Variants in ZNF705G observed in about 807,000 individuals in gnomAD.
The protein encoded by ZNF705G is zinc finger protein 705G, also known as putative zinc finger protein 705G.
A neutral mutation model predicts 19.6 loss-of-function variants in ZNF705G; 23 were observed. That is an observed-to-expected ratio of 1.17 (90% CI 0.84 to 1.66). The LOEUF (loss-of-function observed/expected upper bound fraction) is 1.66. Among genes scored for constraint, ZNF705G ranks in the 40% most tolerant of loss-of-function variants. The pLI, the probability that ZNF705G is intolerant of heterozygous loss-of-function variation, is 0.00. For missense variants in ZNF705G, 457 were observed against 354.4 expected, an observed-to-expected ratio of 1.29 and a Z score of -2.32; for synonymous variants, 146 against 117.7, an observed-to-expected ratio of 1.24 and a Z score of -1.56.
In ZNF705G at chr8:7,367,646, C is replaced by T. The variant is rs1344906850; in HGVS notation, c.-71-4629G>A. Among the ~76,000 whole-genome samples, 24 of 149,654 alleles carry T rather than the reference C, an allele frequency of 1.6e-4. 3 individuals carry two copies. The highest frequency in any genetic ancestry group is 6.1e-4 in the African/African-American group (24 of 39,036). ...CGCAGGATCAAGGTTAAAGGCTCTT[C>T]TCTTTTCTTTCTTGGACCTTCAGGC... On this transcript the variant is annotated intron_variant, in intron 2 of 6. Transcript: ENST00000400156.
Position 7,363,115 on chromosome 8 carries a change from A to G in ZNF705G, c.-71-98T>C, listed in dbSNP as rs193009183. 1.3e-3 allele frequency: 1,937 copies of G among 1,475,738 alleles called. 8 individuals carry two copies. The highest frequency in any genetic ancestry group is 2.7e-3 in the Admixed American group (157 of 59,030). The allele number at this position is 1,475,738 out of a possible 1,614,324, so 91.4% of individuals were successfully genotyped here. A position where few individuals can be genotyped will look rare whatever the true frequency, so the allele number is the denominator to read the frequency against. On this transcript the variant is annotated intron_variant, in intron 2 of 6. Coordinates refer to ENST00000400156, the MANE Select transcript of ZNF705G (RefSeq NM_001164457.3). ...CAGACTTTCACTGAAGTGTGACACCAGCTGCACCACAGCCTAACCAACAGA... is the reference window on the plus strand; with the variant it reads ...CAGACTTTCACTGAAGTGTGACACCGGCTGCACCACAGCCTAACCAACAGA...
chr8:7,380,113 T>A lies in ZNF705G; in HGVS notation c.-72+1339A>T, dbSNP rs1368722402. ...AGGCTGCCCCCAGAACAAAGGGAGC[T>A]GAAGCAGGCACTCTTCTCAAGTGGA... On this transcript the variant is annotated intron_variant, in intron 2 of 6. Transcript: ENST00000400156. Among the ~76,000 whole-genome samples the A allele has an allele frequency of 6.9e-5, 10 of 143,924 alleles. 1 individual carries two copies. The highest frequency in any genetic ancestry group is 2.6e-4 in the African/African-American group (9 of 34,054). The allele number at this position is 143,924 out of a possible 152,430, so 94.4% of individuals were successfully genotyped here. A position where few individuals can be genotyped will look rare whatever the true frequency, so the allele number is the denominator to read the frequency against.
rs1201993882 is a variant in ZNF705G at position 7,355,679 on chromosome 8, A to T, written c.*2297T>A. The T allele has an allele frequency of 6.7e-6, 1 of 149,742 alleles. No individual in the cohort carries two copies. The highest frequency in any genetic ancestry group is 2.6e-5 in the African/African-American group (1 of 39,114). The allele number at this position is 149,742 out of a possible 1,614,324, so 9.3% of individuals were successfully genotyped here. ...AATGGCTGGAGATCTGCCACCATGC[A>T]TTTGTCAAATCCCATAGAATTTCAC... On this transcript the variant is annotated 3_prime_UTR_variant, in exon 7 of 7. Coordinates refer to ENST00000400156, the MANE Select transcript of ZNF705G (RefSeq NM_001164457.3).
intron 2 of ZNF705G, among the ~76,000 whole-genome samples, chr8:7,368,636 T>C (rs368438118): frequency 3.3e-5 from 5 of 149,798 alleles, no homozygotes; most frequent in Non-Finnish European, 5.9e-5. Context: ...CAGATGCTAA[T>C]AGAAGAAAAT....
chr8:7,380,666 T>C lies in ZNF705G; in HGVS notation c.-72+786A>G, dbSNP rs551761465. 2.0e-3 allele frequency among the ~76,000 whole-genome samples: 289 copies of C among 146,252 alleles called. 2 individuals are homozygous for C. Among genetic ancestry groups the C allele is most frequent in the Admixed American group, 2.6e-3 (40 of 15,124 alleles). ...CTGCTATGACTACTGCAATTGCTGA[T>C]GCTACACATGCCTCCCAGGGTCTTG... On this transcript the variant is annotated intron_variant, in intron 2 of 6. Coordinates refer to ENST00000400156, the MANE Select transcript of ZNF705G (RefSeq NM_001164457.3).
chr8:7,381,712 A>G (rs1260926298), intron 1 of ZNF705G, 111 bp from the exon 2 acceptor site: 2 of 148,642 alleles, frequency 1.3e-5, no homozygotes, highest in African/African-American at 2.6e-5. Flanking sequence ...ATGGACATAA[A>G]TATGGTAATT....
Position 7,359,775 on chromosome 8 carries a change from C to A in ZNF705G, c.236-74G>T, listed in dbSNP as rs140787597. 1.4e-5 allele frequency: 22 copies of A among 1,598,772 alleles called. No homozygotes were observed. The Admixed American group carries it at 1.9e-4, about 13-fold the overall frequency. Reference sequence around the variant, plus strand: ...ATTGTTTGAAAAGCCCCAAAGCCCACGTACTTTTTTCAAAAATTGACACGT... The same window carrying A: ...ATTGTTTGAAAAGCCCCAAAGCCCAAGTACTTTTTTCAAAAATTGACACGT... On this transcript the variant is annotated intron_variant, in intron 5 of 6. Coordinates refer to ENST00000400156, the MANE Select transcript of ZNF705G (RefSeq NM_001164457.3).
intron 6 of ZNF705G, 92 bp from the exon 7 acceptor site, chr8:7,358,652 G>T: frequency 1.3e-6 from 2 of 1,554,774 alleles, no homozygotes; most frequent in Non-Finnish European, 1.7e-6. Context: ...CAACCATTCA[G>T]TGGTAGACCC....
chr8:7,363,370 A>G (rs1201462286), intron 2 of ZNF705G, among the ~76,000 whole-genome samples: 1 of 148,212 alleles, frequency 6.7e-6, no homozygotes, highest in East Asian at 1.9e-4. Flanking sequence ...ACCTATAGAT[A>G]AACACTGGGA....
In ZNF705G at chr8:7,358,014, A is replaced by T; in HGVS notation, c.865T>A (p.Cys289Ser). Residue 289 changes from cysteine (C) to serine (S), a missense_variant, in exon 7 of 7, where the codon TGT becomes AGT. Physicochemically the swap from Cys to Ser is moderately radical, Grantham distance 112. Transcript: ENST00000400156. ...GAAGACAGACTGAAGGCCTTCCCAC[A>T]TAGAAGACAAGCATGTGGTTTCTCT... ...TGEKPHACLL[C>S]GKAFSLSSNL... is the part of the protein sequence containing the mutation. The T allele has an allele frequency of 3.1e-6, 5 of 1,609,070 alleles. 1 individual carries two copies. The highest frequency in any genetic ancestry group is 4.2e-6 in the Non-Finnish European group (5 of 1,179,794).
chr8:7,379,247 G>A (rs1450083051), intron 2 of ZNF705G, among the ~76,000 whole-genome samples: 3 of 147,642 alleles, frequency 2.0e-5, no homozygotes, highest in Non-Finnish European at 2.9e-5. Flanking sequence ...AAATCTCGGA[G>A]ATTGAGATAT....
At position 7,369,452 on chromosome 8, in the gene ZNF705G, C is replaced by T. The variant is rs575121180; in HGVS notation, c.-71-6435G>A. On this transcript the variant is annotated intron_variant, in intron 2 of 6. Transcript: ENST00000400156. ...AGAAGACAGCCACCATCCTCCAGAC[C>T]CGAGAATGGTAGATCCACTGTCAGC... Among the ~76,000 whole-genome samples the T allele has an allele frequency of 2.0e-5, 3 of 149,496 alleles. No homozygotes were observed. In the South Asian group the frequency reaches 6.3e-4, roughly 31 times the overall value.
intron 5 of ZNF705G, among the ~76,000 whole-genome samples, chr8:7,359,993 C>T (rs893479201): frequency 1.3e-5 from 2 of 149,146 alleles, no homozygotes; most frequent in African/African-American, 5.2e-5. Flanking sequence ...GAAAGTTTAA[C>T]CCCAGCCAAG....
rs1446930922 is a variant in ZNF705G, at chr8:7,355,819, C to G, written c.*2157G>C. ...TAAACAATAAATAATGATATGAGCT[C>G]TGCCTGGACACAGTCCTTGCCTCTC... On this transcript the variant is annotated 3_prime_UTR_variant, in exon 7 of 7. Coordinates refer to ENST00000400156, the MANE Select transcript of ZNF705G (RefSeq NM_001164457.3). The G allele has an allele frequency of 6.7e-6, 1 of 149,560 alleles. No homozygotes were observed. The highest frequency in any genetic ancestry group is 1.5e-5 in the Non-Finnish European group (1 of 68,020). The allele number at this position is 149,560 out of a possible 1,614,324, so 9.3% of individuals were successfully genotyped here. A position where few individuals can be genotyped will look rare whatever the true frequency, so the allele number is the denominator to read the frequency against.
intron 1 of ZNF705G, among the ~76,000 whole-genome samples, chr8:7,383,248 A>G (rs1259311861): frequency 6.7e-6 from 1 of 148,774 alleles, no homozygotes; most frequent in Admixed American, 6.6e-5. Flanking sequence ...GAGTTTCTTA[A>G]TCATGTAGTG....
At chr8:7,380,601 T>C (rs1807445316) in intron 2 of ZNF705G, among the ~76,000 whole-genome samples, 1 of 146,802 alleles carries the variant, frequency 6.8e-6, no homozygotes. Context: ...GCCATGACTG[T>C]TGGTGTCTGC....
At chr8:7,383,853 C>A (rs1585433828) in intron 1 of ZNF705G, among the ~76,000 whole-genome samples, 1 of 146,070 alleles carries the variant, frequency 6.8e-6, no homozygotes, top group African/African-American at 2.8e-5. Context: ...TAAACTTCTG[C>A]TCTTTATAAG....
Position 7,360,288 on chromosome 8 carries a change from C to G in ZNF705G, c.184G>C (p.Gly62Arg), listed in dbSNP as rs1359749046. Reference protein sequence around the residue: ...KSYIILQLEQGKELWREGRVF... With the variant: ...KSYIILQLEQRKELWREGRVF... ...CTTCCTTCCCTCCACAGCTCTTTTC[C>G]TTGCTCCAGCTGCAAAATTATATAG... The change falls in exon 5 of 7, where the codon GGA becomes CGA. Residue 62 changes from glycine to arginine, a missense_variant. Transcript: ENST00000400156. 6.3e-7 allele frequency: 1 copy of G among 1,591,282 alleles called. No homozygotes were observed. Among genetic ancestry groups the G allele is most frequent in the Admixed American group, 1.7e-5 (1 of 59,878 alleles).
chr8:7,380,587 T>C (rs559793830), intron 2 of ZNF705G, among the ~76,000 whole-genome samples: 3 of 147,154 alleles, frequency 2.0e-5, no homozygotes, highest in Non-Finnish European at 2.9e-5. Context: ...CTGTCCATCA[T>C]GTTGCCATGA....
Sources: allele counts gnomAD v4.1 joint callset (sites outside exome capture counted in the v4.1 genomes callset), GRCh38; gene constraint gnomAD v4.1.1; transcripts MANE v1.5; gene names NCBI Gene and HGNC (gene_info 2026-07-23, HGNC 2026-07-21).